Variants in USH2A observed in about 807,000 individuals in gnomAD.
USH2A encodes the protein Usher syndrome 2A (autosomal recessive, mild).
A neutral mutation model predicts 538.9 loss-of-function variants in USH2A; 443 were observed. The observed-to-expected ratio is 0.82, with a 90% confidence interval of 0.76 to 0.89. The LOEUF (loss-of-function observed/expected upper bound fraction) is 0.89. USH2A is among the 40% of genes least tolerant of loss of function. The pLI, the probability that USH2A is intolerant of heterozygous loss-of-function variation, is 0.00. For synonymous variants in USH2A, 2,413 were observed against 2,273.5 expected (o/e 1.06, Z -1.75); for missense variants, 6,633 against 6,324.8 (o/e 1.05, Z -1.65).
intron 21 of USH2A, among the ~76,000 whole-genome samples, chr1:216,145,183 G>C (rs2033672636): frequency 1.3e-5 from 2 of 151,962 alleles, no homozygotes; most frequent in Admixed American, 1.3e-4. Flanking sequence ...TTATGTTCAG[G>C]ACAAACACAG....
chr1:215,974,625 CA>C (rs1667577533), intron 35 of USH2A, among the ~76,000 whole-genome samples: 1 of 152,116 alleles, frequency 6.6e-6, no homozygotes, highest in South Asian at 2.1e-4. Context: ...TTGCTTAGTA[CA>C]AAAGCCTCCA....
chr1:215,973,005 T>C (rs1667532459), intron 35 of USH2A, among the ~76,000 whole-genome samples: 2 of 152,148 alleles, frequency 1.3e-5, no homozygotes, highest in Admixed American at 1.3e-4. Context: ...AAAAAAGATA[T>C]GATCAGGTAA....
intron 64 of USH2A, among the ~76,000 whole-genome samples, chr1:215,652,529 A>G (rs1420488019): frequency 6.6e-6 from 1 of 152,180 alleles, no homozygotes; most frequent in Admixed American, 6.5e-5. Context: ...TGGAAGTTAG[A>G]GTCCATCCAT....
At chr1:215,774,506 A>AT (rs1369986288) in intron 55 of USH2A, among the ~76,000 whole-genome samples, 1 of 151,938 alleles carries the variant, frequency 6.6e-6, no homozygotes, top group African/African-American at 2.4e-5. Flanking sequence ...TATCTGTGAT[A>AT]TATATATTTT....
intron 65 of USH2A, among the ~76,000 whole-genome samples, chr1:215,650,026 C>T (rs909696773): frequency 2.0e-5 from 3 of 152,140 alleles, no homozygotes; most frequent in East Asian, 1.9e-4. Context: ...GTGCCTCAAA[C>T]GTGTTAACGA....
chr1:216,417,680 G>A (rs935189206), intron 3 of USH2A, among the ~76,000 whole-genome samples: 12 of 152,064 alleles, frequency 7.9e-5, no homozygotes, highest in African/African-American at 2.9e-4. Flanking sequence ...CTGCTGCCGT[G>A]ATTGTAAGTT....
Position 215,640,754 on chromosome 1 carries a change from T to C in USH2A, c.14792-20A>G, listed in dbSNP as rs576557854. The stretch of plus-strand genomic sequence containing the variant: ...GAGGCACTGTGGGGAGAAAGTTGTA[T>C]GTTCTAAAAAGGGTAACCTCTTTGA... On this transcript the variant is annotated intron_variant, in intron 67 of 71. Transcript: ENST00000307340. 30 of 1,610,516 alleles carry C rather than the reference T, an allele frequency of 1.9e-5. No homozygotes were observed. The highest frequency in any genetic ancestry group is 1.6e-4 in the East Asian group (7 of 44,720).
intron 26 of USH2A, 26 bp downstream of exon 26, chr1:216,083,430 A>G: frequency 6.2e-7 from 1 of 1,605,894 alleles, no homozygotes. Flanking sequence ...ATTTTAAAGT[A>G]ATTTTAATCA....
At chr1:215,797,553 G>T (rs1451235482) in intron 50 of USH2A, among the ~76,000 whole-genome samples, 7 of 152,032 alleles carry the variant, frequency 4.6e-5, no homozygotes, top group Non-Finnish European at 7.4e-5. Flanking sequence ...CATGCTCATT[G>T]ACCACTGCAA....
At chr1:216,104,212 C>T (rs1352184458) in intron 21 of USH2A, among the ~76,000 whole-genome samples, 2 of 151,792 alleles carry the variant, frequency 1.3e-5, no homozygotes, top group Non-Finnish European at 2.9e-5. Context: ...GCTTTCCCTC[C>T]CTCCTCCCCC....
chr1:216,392,661 T>G (rs765042356), intron 3 of USH2A, among the ~76,000 whole-genome samples: 4 of 152,042 alleles, frequency 2.6e-5, no homozygotes, highest in Non-Finnish European at 5.9e-5. Flanking sequence ...AATGCTGTTT[T>G]TTTAAAAAAA....
chr1:216,018,805 T>TATA (rs1313788638), intron 32 of USH2A, among the ~76,000 whole-genome samples: 2 of 37,510 alleles, frequency 5.3e-5, no homozygotes, highest in African/African-American at 5.7e-4. Flanking sequence ...CATTTATTAT[T>TATA]ATTATTATTA....
At chr1:215,838,425 T>C (rs1451616120) in intron 46 of USH2A, among the ~76,000 whole-genome samples, 4 of 152,150 alleles carry the variant, frequency 2.6e-5, no homozygotes, top group Non-Finnish European at 5.9e-5. Flanking sequence ...CAAGTGACAG[T>C]TTGCAAGCAT....
chr1:215,913,463 G>A (rs1003865235), intron 38 of USH2A, among the ~76,000 whole-genome samples: 4 of 152,064 alleles, frequency 2.6e-5, no homozygotes, highest in African/African-American at 9.7e-5. Flanking sequence ...TGGGCCGGAA[G>A]CTCTATGGTG....
At chr1:215,850,572 A>T (rs1303171722) in intron 44 of USH2A, among the ~76,000 whole-genome samples, 1 of 152,172 alleles carries the variant, frequency 6.6e-6, no homozygotes, top group East Asian at 1.9e-4. Flanking sequence ...ATAGGAGTTT[A>T]AAAAGGGCAA....
chr1:216,353,982 A>G (rs2038334512), intron 4 of USH2A, among the ~76,000 whole-genome samples: 1 of 152,176 alleles, frequency 6.6e-6, no homozygotes, highest in African/African-American at 2.4e-5. Flanking sequence ...CAGAGGTAAG[A>G]AATAGAGGAT....
At chr1:216,401,380 A>T (rs917077267) in intron 3 of USH2A, among the ~76,000 whole-genome samples, 1 of 152,048 alleles carries the variant, frequency 6.6e-6, no homozygotes, top group East Asian at 1.9e-4. Flanking sequence ...AAATGCAGAG[A>T]CCCACAACAG....
intron 38 of USH2A, among the ~76,000 whole-genome samples, chr1:215,919,163 C>T (rs1463725639): frequency 1.3e-5 from 2 of 152,014 alleles, no homozygotes; most frequent in Non-Finnish European, 2.9e-5. Flanking sequence ...ATTGCACAGA[C>T]ATTATAGGGT....
intron 9 of USH2A, among the ~76,000 whole-genome samples, chr1:216,308,761 G>A (rs545446125): frequency 6.6e-6 from 1 of 152,152 alleles, no homozygotes; most frequent in Non-Finnish European, 1.5e-5. Context: ...TGTAAACTTA[G>A]AATTTTATAC....
Sources: gnomAD v4.1 joint callset for allele counts (sites outside exome capture counted in the v4.1 genomes callset) on GRCh38, gnomAD v4.1.1 for gene constraint, MANE v1.5 for transcripts, NCBI Gene and HGNC (gene_info 2026-07-23, HGNC 2026-07-21) for gene names.